Variants in TAFA1 observed in about 807,000 individuals in gnomAD.
The protein encoded by TAFA1 is chemokine-like protein TAFA-1.
In TAFA1, 4 loss-of-function variants were observed where a neutral mutation model predicts 18.5. The ratio of observed to expected loss-of-function variants is 0.22; its 90% CI spans 0.11 to 0.49. The LOEUF is 0.49. TAFA1 is among the 20% of genes least tolerant of loss of function. TAFA1 has a pLI of 0.98. For synonymous variants in TAFA1, 56 were observed against 55.2 expected, an observed-to-expected ratio of 1.01 and a Z score of -0.06; for missense variants, 147 against 169.0, an observed-to-expected ratio of 0.87 and a Z score of 0.72.
At chr3:68,333,630 T>G (rs56769389) in intron 2 of TAFA1, among the ~76,000 whole-genome samples, 18,742 of 152,178 alleles carry the variant, frequency 0.12, 1,313 homozygotes, top group East Asian at 0.28. Context: ...ATAACAGTTT[T>G]TTAAAAAATA....
intron 2 of TAFA1, among the ~76,000 whole-genome samples, chr3:68,067,620 T>C (rs1305265076): frequency 1.3e-5 from 2 of 152,240 alleles, no homozygotes; most frequent in Non-Finnish European, 1.5e-5. Flanking sequence ...TTTACTGTGT[T>C]GTTATTGCAA....
At chr3:68,213,798 C>G (rs2066622413) in intron 2 of TAFA1, among the ~76,000 whole-genome samples, 2 of 152,082 alleles carry the variant, frequency 1.3e-5, no homozygotes, top group Non-Finnish European at 2.9e-5. Context: ...CAGCTTAGAA[C>G]TTCTTACCAT....
chr3:68,329,684 T>C (rs2068832207), intron 2 of TAFA1, among the ~76,000 whole-genome samples: 1 of 152,212 alleles, frequency 6.6e-6, no homozygotes. Flanking sequence ...TCTTCAATAC[T>C]AGCTGCTGGT....
intron 2 of TAFA1, among the ~76,000 whole-genome samples, chr3:68,302,421 T>G (rs547765321): frequency 6.6e-6 from 1 of 152,326 alleles, no homozygotes; most frequent in Admixed American, 6.5e-5. Context: ...GACCTCTTCA[T>G]ACAGAACGTT....
intron 3 of TAFA1, among the ~76,000 whole-genome samples, chr3:68,534,810 A>G (rs2073248373): frequency 6.6e-6 from 1 of 152,108 alleles, no homozygotes; most frequent in African/African-American, 2.4e-5. Context: ...TTAACTTGCA[A>G]CAAAGTAGAT....
At chr3:68,161,553 C>T (rs1321005081) in intron 2 of TAFA1, among the ~76,000 whole-genome samples, 1 of 152,170 alleles carries the variant, frequency 6.6e-6, no homozygotes, top group Non-Finnish European at 1.5e-5. Context: ...TACCACCTTA[C>T]ATTTTTCCAA....
chr3:68,469,628 G>A (rs549840341), intron 3 of TAFA1, among the ~76,000 whole-genome samples: 30 of 152,230 alleles, frequency 2.0e-4, no homozygotes, highest in African/African-American at 7.0e-4. Flanking sequence ...AGCCGAGATA[G>A]CACCACTGCA....
chr3:68,042,600 G>A (rs934609206), intron 2 of TAFA1, among the ~76,000 whole-genome samples: 24 of 152,206 alleles, frequency 1.6e-4, no homozygotes, highest in African/African-American at 5.3e-4. Context: ...AGTGAGCCAA[G>A]GTTGTGCCAT....
chr3:68,299,079 A>G (rs952425079), intron 2 of TAFA1, among the ~76,000 whole-genome samples: 4 of 152,208 alleles, frequency 2.6e-5, no homozygotes, highest in African/African-American at 9.6e-5. Flanking sequence ...TGATATAAGC[A>G]ATGAAGTCCA....
At chr3:68,395,813 G>C (rs954104254) in intron 2 of TAFA1, among the ~76,000 whole-genome samples, 9 of 152,118 alleles carry the variant, frequency 5.9e-5, no homozygotes, top group African/African-American at 2.2e-4. Flanking sequence ...TTGGAGGATG[G>C]TGGGCAAGGG....
the TAFA1 span, among the ~76,000 whole-genome samples, chr3:67,996,635 C>T: frequency 6.6e-6 from 1 of 151,916 alleles, no homozygotes; most frequent in Admixed American, 6.6e-5. Context: ...CCCATCTCTA[C>T]TAAAAATACA....
intron 2 of TAFA1, among the ~76,000 whole-genome samples, chr3:68,292,009 C>A (rs1438333937): frequency 1.3e-5 from 2 of 151,932 alleles, no homozygotes; most frequent in Non-Finnish European, 2.9e-5. Context: ...TATATATAAC[C>A]ACAGTTTTAG....
chr3:68,371,917 G>T (rs571520043), intron 2 of TAFA1, among the ~76,000 whole-genome samples: 36 of 152,222 alleles, frequency 2.4e-4, no homozygotes, highest in African/African-American at 8.4e-4. Flanking sequence ...GTGATCCAGT[G>T]CTGCTCAACC....
intron 2 of TAFA1, among the ~76,000 whole-genome samples, chr3:68,084,962 C>G (rs2064953669): frequency 6.6e-6 from 1 of 152,106 alleles, no homozygotes; most frequent in Non-Finnish European, 1.5e-5. Context: ...GCTGTATGTA[C>G]TTTCCTCCCC....
intron 3 of TAFA1, among the ~76,000 whole-genome samples, chr3:68,468,711 C>T (rs1382423922): frequency 6.6e-6 from 1 of 152,132 alleles, no homozygotes; most frequent in African/African-American, 2.4e-5. Context: ...TCTGAGACCC[C>T]CATTACTATC....
intron 2 of TAFA1, among the ~76,000 whole-genome samples, chr3:68,394,737 G>A (rs113973083): frequency 6.6e-5 from 10 of 152,232 alleles, no homozygotes; most frequent in African/African-American, 2.4e-4. Context: ...GGGAAAACTG[G>A]CTAGCCATAT....
intron 2 of TAFA1, among the ~76,000 whole-genome samples, chr3:68,409,047 T>C (rs1352535631): frequency 6.6e-6 from 1 of 152,214 alleles, no homozygotes; most frequent in African/African-American, 2.4e-5. Context: ...ACAAGAATTA[T>C]GTAGGAGATG....
chr3:67,993,238 C>A, the TAFA1 span, among the ~76,000 whole-genome samples: 1 of 152,226 alleles, frequency 6.6e-6, no homozygotes. Flanking sequence ...GATCTGCAAA[C>A]AAAAGCGTTA....
chr3:68,082,629 C>T (rs1420564720), intron 2 of TAFA1, among the ~76,000 whole-genome samples: 1 of 152,136 alleles, frequency 6.6e-6, no homozygotes, highest in South Asian at 2.1e-4. Flanking sequence ...AAAGCAATTG[C>T]TATGCTGTTG....
Sources: allele counts gnomAD v4.1 joint callset (sites outside exome capture counted in the v4.1 genomes callset), GRCh38; gene constraint gnomAD v4.1.1; transcripts MANE v1.5; gene names NCBI Gene and HGNC (gene_info 2026-07-23, HGNC 2026-07-21).